PDE1B: variants seen among roughly 807,000 people sequenced by gnomAD.
PDE1B encodes phosphodiesterase 1B, also known as dual specificity calcium/calmodulin-dependent 3',5'-cyclic nucleotide phosphodiesterase 1B.
Under a neutral mutation model 66.7 loss-of-function variants are expected in PDE1B, and 13 were observed. The observed-to-expected ratio is 0.19, with a 90% confidence interval of 0.13 to 0.31. PDE1B has a LOEUF of 0.31. Ranked by LOEUF, PDE1B falls within the 10% of genes least tolerant of loss-of-function variation. The pLI is 1.00. For missense variants in PDE1B, 485 were observed against 682.3 expected (o/e 0.71, Z 3.22); for synonymous variants, 230 against 253.9 (o/e 0.91, Z 0.90).
chr12:54,573,350 T>C lies in PDE1B; in HGVS notation c.837-5T>C. On this transcript the variant is annotated splice_polypyrimidine_tract_variant and splice_region_variant and intron_variant, in intron 8 of 15. Transcript: ENST00000243052. This position sits in a 1 kb window ranked among gnomAD's most constrained non-coding sequence, Gnocchi z 5.2. Reference sequence around the variant, plus strand: ...GGGTGGTCATGATGACCTTTGGCTTTGTAGGTCAGAATGTGCCATCGTGTA... The same window carrying C: ...GGGTGGTCATGATGACCTTTGGCTTCGTAGGTCAGAATGTGCCATCGTGTA... The C allele has an allele frequency of 6.2e-7, 1 of 1,614,110 alleles. No homozygotes were observed. The highest frequency in any genetic ancestry group is 8.5e-7 in the Non-Finnish European group (1 of 1,180,012).
chr12:54,568,632 G>T (rs1334357366), intron 3 of PDE1B, among the ~76,000 whole-genome samples: 1 of 151,932 alleles, frequency 6.6e-6, no homozygotes, highest in East Asian at 1.9e-4. Context: ...ATCAACTGAG[G>T]TCAGGAATTC....
chr12:54,559,141 T>A (rs1476664980), intron 2 of PDE1B, among the ~76,000 whole-genome samples: 1 of 152,180 alleles, frequency 6.6e-6, no homozygotes, highest in Non-Finnish European at 1.5e-5. Context: ...TGGAATTAGA[T>A]GATTTCCTTG....
rs1957332643 is a variant in PDE1B at position 54,555,558 on chromosome 12, C to G, written c.113+5573C>G. The stretch of plus-strand genomic sequence containing the variant: ...ATAACTACACCCTGCCAGGGAGTTC[C>G]TGAAATCAAAGGAATGGTAGCTTCC... On this transcript the variant is annotated intron_variant, in intron 2 of 15. Coordinates refer to ENST00000243052, the MANE Select transcript of PDE1B (RefSeq NM_000924.4). Among the ~76,000 whole-genome samples, 8 of 152,150 alleles carry G rather than the reference C, an allele frequency of 5.3e-5. No homozygotes were observed. The South Asian group carries it at 1.7e-3, about 32-fold the overall frequency.
At chr12:54,551,747 A>T (rs1031558116) in intron 2 of PDE1B, among the ~76,000 whole-genome samples, 2 of 152,162 alleles carry the variant, frequency 1.3e-5, no homozygotes, top group Non-Finnish European at 2.9e-5. Context: ...CTTTAGTGTG[A>T]GAAGTGCTCA....
At chr12:54,564,694 A>C (rs894217482) in intron 2 of PDE1B, among the ~76,000 whole-genome samples, 4 of 152,210 alleles carry the variant, frequency 2.6e-5, no homozygotes, top group African/African-American at 9.7e-5. Flanking sequence ...CTGGACAGAA[A>C]TACTGATTCA....
Position 54,573,689 on chromosome 12 carries a change from A to C in PDE1B, c.1044A>C (p.Thr348=). The change falls in exon 10 of 16, where the codon ACA becomes ACC. Residue 348 remains threonine, a synonymous_variant. Transcript: ENST00000243052. The surrounding 1 kb of genome is among the most constrained non-coding windows in gnomAD (Gnocchi z 5.2). The part of the protein sequence containing the change: ...CHFQQVKTMK[T]ALQQLERIDK... ...TCCAGCAAGTGAAGACCATGAAGAC[A>C]GCCTTGCAACAGCTGGAGAGGTGGC... 6.2e-7 allele frequency: 1 copy of C among 1,614,000 alleles called. No homozygotes were observed. The highest frequency in any genetic ancestry group is 8.5e-7 in the Non-Finnish European group (1 of 1,179,896).
intron 3 of PDE1B, among the ~76,000 whole-genome samples, chr12:54,568,295 C>G (rs975405495): frequency 2.6e-5 from 4 of 151,750 alleles, no homozygotes; most frequent in Non-Finnish European, 5.9e-5. Context: ...GAAACCCTGT[C>G]TCTACAAAAA....
chr12:54,573,870 A>AGAGGGTGTGT lies in PDE1B; in HGVS notation c.1064+162_1064+163insAGGGTGTGTG. The AGAGGGTGTGT allele has an allele frequency of 2.4e-6, 1 of 423,594 alleles. No homozygotes were observed. Among genetic ancestry groups the AGAGGGTGTGT allele is most frequent in the Non-Finnish European group, 4.2e-6 (1 of 235,456 alleles). The allele number at this position is 423,594 out of a possible 1,614,324, so 26.2% of individuals were successfully genotyped here. On this transcript the variant is annotated intron_variant, in intron 10 of 15. Transcript: ENST00000243052. The surrounding 1 kb of genome is among the most constrained non-coding windows in gnomAD (Gnocchi z 5.2). ...GCATCTCTATGTGAGAGAGAGAGAG[A>AGAGGGTGTGT]GTGTGTGTGTGTGTGTGTGTGTGTG... is the stretch of plus-strand genomic sequence containing the variant.
intron 2 of PDE1B, among the ~76,000 whole-genome samples, chr12:54,561,168 T>C (rs1209621810): frequency 6.6e-6 from 1 of 152,090 alleles, no homozygotes; most frequent in Non-Finnish European, 1.5e-5. Flanking sequence ...GCTACAGACC[T>C]CCTCTCTGTG....
chr12:54,550,197 G>A, intron 2 of PDE1B: 2 of 1,402,664 alleles, frequency 1.4e-6, no homozygotes, highest in South Asian at 1.6e-5. Flanking sequence ...GGGCTTAGGA[G>A]TTGCAAAGGT....
chr12:54,575,293 C>G lies in PDE1B; in HGVS notation c.1185+75C>G. ...CTTTTGCCCTCCAAGTTCCCCAATC[C>G]TGTTCCACATCCTCCTTTTGCTACC... On this transcript the variant is annotated intron_variant, in intron 11 of 15. Coordinates refer to ENST00000243052, the MANE Select transcript of PDE1B (RefSeq NM_000924.4). The surrounding 1 kb of genome is among the most constrained non-coding windows in gnomAD (Gnocchi z 4.0). The G allele has an allele frequency of 8.3e-6, 11 of 1,320,952 alleles. No individual in the cohort carries two copies. Among genetic ancestry groups the G allele is most frequent in the Non-Finnish European group, 1.2e-5 (11 of 920,988 alleles). The allele number at this position is 1,320,952 out of a possible 1,614,324, so 81.8% of individuals were successfully genotyped here. A position where few individuals can be genotyped will look rare whatever the true frequency, so the allele number is the denominator to read the frequency against.
Position 54,549,775 on chromosome 12 carries a change from GGGAA to G in PDE1B, c.-14+6_-14+9del, listed in dbSNP as rs1957246809. 8.6e-6 allele frequency: 8 copies of G among 927,432 alleles called. No homozygotes were observed. The South Asian group carries it at 1.2e-4, about 14-fold the overall frequency. 57.5% of individuals were successfully genotyped at this position (927,432 alleles called of 1,614,324 possible). A position where few individuals can be genotyped will look rare whatever the true frequency, so the allele number is the denominator to read the frequency against. The stretch of plus-strand genomic sequence containing the variant: ...TGGCTGGTCCACGCCAGCCGCAGGT[GGGAA>G]GGGCCTGGGATGGGGGGTGAGGGTC... On this transcript the variant is annotated splice_donor_5th_base_variant and intron_variant, in intron 1 of 15. Transcript: ENST00000243052.
intron 2 of PDE1B, among the ~76,000 whole-genome samples, chr12:54,550,489 T>C (rs1466547462): frequency 2.0e-5 from 3 of 152,192 alleles, no homozygotes; most frequent in Non-Finnish European, 2.9e-5. Flanking sequence ...TTGGGATTGG[T>C]AGTTTCTGCC....
In PDE1B at chr12:54,573,298, G is replaced by C; in HGVS notation, c.836+50G>C. 1 of 1,613,578 alleles carries C rather than the reference G, an allele frequency of 6.2e-7. No individual in the cohort carries two copies. The highest frequency in any genetic ancestry group is 8.5e-7 in the Non-Finnish European group (1 of 1,179,484). ...GCAGGAGGGGCCAAGAGGAGGTGGG[G>C]AGGTTGCCGGAGTCCCTCCTTACAG... On this transcript the variant is annotated intron_variant, in intron 8 of 15. Coordinates refer to ENST00000243052, the MANE Select transcript of PDE1B (RefSeq NM_000924.4). This position sits in a 1 kb window ranked among gnomAD's most constrained non-coding sequence, Gnocchi z 5.2.
chr12:54,555,184 A>C (rs1206436720), intron 2 of PDE1B, among the ~76,000 whole-genome samples: 1 of 152,136 alleles, frequency 6.6e-6, no homozygotes, highest in Non-Finnish European at 1.5e-5. Flanking sequence ...AAGTGGATGG[A>C]GCAATTGCAG....
intron 2 of PDE1B, among the ~76,000 whole-genome samples, chr12:54,553,159 T>A (rs941402631): frequency 1.3e-3 from 89 of 69,846 alleles, no homozygotes; most frequent in African/African-American, 3.9e-3. Context: ...CTGTATTCCC[T>A]GTTTTGCTAC....
At chr12:54,551,119 C>CA (rs1314792365) in intron 2 of PDE1B, among the ~76,000 whole-genome samples, 2 of 152,196 alleles carry the variant, frequency 1.3e-5, no homozygotes, top group Non-Finnish European at 2.9e-5. Flanking sequence ...CCATAGTGAG[C>CA]ACCGAAGCTT....
At chr12:54,561,203 C>T (rs1957405165) in intron 2 of PDE1B, among the ~76,000 whole-genome samples, 2 of 152,242 alleles carry the variant, frequency 1.3e-5, no homozygotes, top group South Asian at 2.1e-4. Context: ...GTTCCCTGTC[C>T]CTGCACTCTT....
chr12:54,572,028 C>A (rs142782922), intron 6 of PDE1B: 211 of 153,880 alleles, frequency 1.4e-3, no homozygotes, highest in South Asian at 2.5e-3. Flanking sequence ...GGCCCGGATT[C>A]AGAGTAGCTG....
Sources: allele counts gnomAD v4.1 joint callset (sites outside exome capture counted in the v4.1 genomes callset), GRCh38; gene constraint gnomAD v4.1.1; non-coding constraint Gnocchi (gnomAD v3.1); transcripts MANE v1.5; gene names NCBI Gene and HGNC (gene_info 2026-07-23, HGNC 2026-07-21).